Variants in ANXA8 observed in about 807,000 individuals in gnomAD.
ANXA8 encodes annexin A8.
Under a neutral mutation model 26.8 loss-of-function variants are expected in ANXA8, and 9 were observed. That is an observed-to-expected ratio of 0.34 (90% CI 0.20 to 0.59). The LOEUF (loss-of-function observed/expected upper bound fraction) is 0.59. ANXA8 is among the 20% of genes least tolerant of loss of function. ANXA8 has a pLI of 0.84. For missense variants in ANXA8, 83 were observed against 238.5 expected, an observed-to-expected ratio of 0.35 and a Z score of 4.29; for synonymous variants, 39 against 94.8, an observed-to-expected ratio of 0.41 and a Z score of 3.42.
chr10:47,918,368 AG>A, the ANXA8 span, among the ~76,000 whole-genome samples: 2,544 of 17,754 alleles, frequency 0.14, 234 homozygotes, highest in African/African-American at 0.26. Context: ...AGAGAGAGAG[AG>A]AGAGAGAGAG....
At chr10:47,956,686 T>G in the ANXA8 span, among the ~76,000 whole-genome samples, 1 of 150,776 alleles carries the variant, frequency 6.6e-6, no homozygotes, top group Non-Finnish European at 1.5e-5. Context: ...GGGGACCAGC[T>G]TGTGCAGCAG....
the ANXA8 span, among the ~76,000 whole-genome samples, chr10:47,528,383 TAA>T: frequency 2.4e-3 from 253 of 107,210 alleles, 2 homozygotes; most frequent in African/African-American, 8.3e-3. Flanking sequence ...CGGCTAGACT[TAA>T]AAAAAAAAAA....
At chr10:47,574,058 AAG>A in the ANXA8 span, among the ~76,000 whole-genome samples, 1 of 93,624 alleles carries the variant, frequency 1.1e-5, no homozygotes, top group Non-Finnish European at 2.2e-5. Flanking sequence ...AGTCCTTAGA[AAG>A]AACTTTAATT....
At chr10:47,714,287 A>T in the ANXA8 span, among the ~76,000 whole-genome samples, 2 of 142,960 alleles carry the variant, frequency 1.4e-5, no homozygotes, top group Non-Finnish European at 3.0e-5. Context: ...CTAGCTAGTG[A>T]TGTTCTGTCT....
the ANXA8 span, chr10:47,751,024 TAA>T: frequency 8.9e-5 from 13 of 146,596 alleles, no homozygotes; most frequent in Non-Finnish European, 1.6e-4. Flanking sequence ...TATTTGTAAT[TAA>T]AAAAATCTTT....
At chr10:47,659,432 C>T in the ANXA8 span, among the ~76,000 whole-genome samples, 5 of 151,572 alleles carry the variant, frequency 3.3e-5, no homozygotes, top group African/African-American at 9.8e-5. Flanking sequence ...GTAATCCCAG[C>T]GCTTTGGGAG....
At chr10:47,939,443 C>T in the ANXA8 span, among the ~76,000 whole-genome samples, 1 of 145,442 alleles carries the variant, frequency 6.9e-6, no homozygotes, top group Non-Finnish European at 1.5e-5. Context: ...TGGCATGACT[C>T]CAGCTAGGTC....
the ANXA8 span, among the ~76,000 whole-genome samples, chr10:47,497,363 C>T: frequency 6.9e-6 from 1 of 144,068 alleles, no homozygotes; most frequent in African/African-American, 2.6e-5. Flanking sequence ...CACCTGTAAT[C>T]CCAGCACTTT....
At chr10:47,508,997 A>G in the ANXA8 span, among the ~76,000 whole-genome samples, 2 of 133,646 alleles carry the variant, frequency 1.5e-5, 1 homozygote, top group Non-Finnish European at 3.1e-5. Flanking sequence ...TGCCCTATTA[A>G]TTTGTTCAAT....
At chr10:47,529,296 G>T in the ANXA8 span, among the ~76,000 whole-genome samples, 1 of 148,158 alleles carries the variant, frequency 6.7e-6, no homozygotes, top group Non-Finnish European at 1.5e-5. Flanking sequence ...TGGTTTAGAG[G>T]TAAGAAACAT....
chr10:47,484,327 G>T (rs1440453700), upstream of ANXA8: 6 of 633,280 alleles, frequency 9.5e-6, no homozygotes, highest in Middle Eastern at 4.2e-4. Flanking sequence ...CAGGTGATCT[G>T]CCCACCTTGG....
chr10:47,535,166 G>T, the ANXA8 span, among the ~76,000 whole-genome samples: 2 of 127,368 alleles, frequency 1.6e-5, no homozygotes, highest in African/African-American at 7.0e-5. Flanking sequence ...TAGAGACAGG[G>T]TTTCACCATG....
chr10:47,703,733 T>C, the ANXA8 span, among the ~76,000 whole-genome samples: 71 of 150,676 alleles, frequency 4.7e-4, 2 homozygotes, highest in African/African-American at 1.6e-3. Flanking sequence ...CTCCCCAGGA[T>C]ACCAGCTTAC....
chr10:47,767,621 G>C, the ANXA8 span, among the ~76,000 whole-genome samples: 1 of 150,790 alleles, frequency 6.6e-6, no homozygotes, highest in Non-Finnish European at 1.5e-5. Context: ...CTATTCTAGC[G>C]CTTTGTCCAT....
At chr10:47,718,259 C>T in the ANXA8 span, among the ~76,000 whole-genome samples, 1 of 148,488 alleles carries the variant, frequency 6.7e-6, no homozygotes, top group African/African-American at 2.5e-5. Flanking sequence ...TCACTTGAGC[C>T]CAGGAGTTGG....
chr10:47,632,349 T>G, the ANXA8 span, among the ~76,000 whole-genome samples: 1 of 150,430 alleles, frequency 6.6e-6, no homozygotes, highest in Non-Finnish European at 1.5e-5. Context: ...TTGATCCTAC[T>G]TTTGTTTGTT....
chr10:47,972,996 C>G, the ANXA8 span: 5 of 150,364 alleles, frequency 3.3e-5, no homozygotes, highest in African/African-American at 1.2e-4. Flanking sequence ...AAAGAACACT[C>G]TTATACACCT....
the ANXA8 span, among the ~76,000 whole-genome samples, chr10:47,548,381 A>C: frequency 6.7e-6 from 1 of 148,414 alleles, no homozygotes. Context: ...GCCTCACCGC[A>C]ACCTCCATCT....
the ANXA8 span, among the ~76,000 whole-genome samples, chr10:47,937,898 T>A: frequency 7.3e-6 from 1 of 136,068 alleles, no homozygotes; most frequent in Non-Finnish European, 1.6e-5. Context: ...AGTGTATATG[T>A]ACCACATCTT....
Sources: gnomAD v4.1 joint callset for allele counts (sites outside exome capture counted in the v4.1 genomes callset) on GRCh38, gnomAD v4.1.1 for gene constraint, MANE v1.5 for transcripts, NCBI Gene and HGNC (gene_info 2026-07-23, HGNC 2026-07-21) for gene names.